The following ERC2 variants were observed in gnomAD, a reference collection of about 807,000 sequenced individuals.
ERC2 encodes the protein ERC protein 2.
ERC2 carries 42 observed loss-of-function variants against 114.8 expected under a neutral mutation model. The ratio of observed to expected loss-of-function variants is 0.37; its 90% confidence interval spans 0.29 to 0.47. The LOEUF is 0.47. Among genes scored for constraint, ERC2 ranks in the 20% least tolerant of loss-of-function variants. The pLI is 0.99. For synonymous variants in ERC2, 454 were observed against 425.5 expected (o/e 1.07, Z -0.82); for missense variants, 939 against 1,150.7 (o/e 0.82, Z 2.66).
intron 2 of ERC2, among the ~76,000 whole-genome samples, chr3:56,433,040 T>C (rs924472157): frequency 1.3e-5 from 2 of 151,940 alleles, no homozygotes; most frequent in Non-Finnish European, 2.9e-5. Context: ...CGGCAGGCTG[T>C]GGTGATATGT....
intron 6 of ERC2, among the ~76,000 whole-genome samples, chr3:56,131,555 G>C (rs112444425): frequency 3.9e-5 from 6 of 152,214 alleles, no homozygotes; most frequent in African/African-American, 1.4e-4. Flanking sequence ...TCTCAGAAAG[G>C]ACATTTAAAT....
intron 17 of ERC2, among the ~76,000 whole-genome samples, chr3:55,596,205 A>G (rs1017969578): frequency 2.0e-5 from 3 of 152,244 alleles, no homozygotes; most frequent in Non-Finnish European, 4.4e-5. Context: ...CAAAAGAACC[A>G]TAATAAGAGA....
At chr3:56,388,252 T>C (rs1361400453) in intron 2 of ERC2, among the ~76,000 whole-genome samples, 1 of 152,116 alleles carries the variant, frequency 6.6e-6, no homozygotes, top group African/African-American at 2.4e-5. Flanking sequence ...TGGGGACAGA[T>C]CCCTCATGAA....
intron 13 of ERC2, among the ~76,000 whole-genome samples, chr3:55,942,846 T>C (rs2066896520): frequency 6.6e-6 from 1 of 152,228 alleles, no homozygotes; most frequent in South Asian, 2.1e-4. Flanking sequence ...ATGTCATTGA[T>C]TGTCATTTCC....
chr3:55,950,642 G>A (rs565969578), intron 12 of ERC2, 82 bp from the exon 13 acceptor site: 7 of 1,468,444 alleles, frequency 4.8e-6, no homozygotes, highest in African/African-American at 4.2e-5. Context: ...GAAGTACTAA[G>A]TATAGGCTAT....
At position 56,049,260 on chromosome 3, in the gene ERC2, G is replaced by A. The variant is rs115907304; in HGVS notation, c.1642-30229C>T. ...CTAAGGACACAGTGAAAGCAGAAAC[G>A]GCTGATAGGAAGCCCCCACAGCCAA... is the stretch of plus-strand genomic sequence containing the variant. On this transcript the variant is annotated intron_variant, in intron 7 of 17. Coordinates refer to ENST00000288221, the MANE Select transcript of ERC2 (RefSeq NM_015576.3). Among the ~76,000 whole-genome samples the A allele has an allele frequency of 1.4e-3, 211 of 152,302 alleles. 1 individual carries two copies. The highest frequency in any genetic ancestry group is 4.1e-3 in the African/African-American group (171 of 41,568).
At chr3:55,671,029 C>T (rs1576047617) in intron 17 of ERC2, among the ~76,000 whole-genome samples, 1 of 152,208 alleles carries the variant, frequency 6.6e-6, no homozygotes, top group East Asian at 1.9e-4. Context: ...CTTTGCACTG[C>T]TGTTCACACA....
intron 11 of ERC2, among the ~76,000 whole-genome samples, chr3:55,990,625 A>G (rs1234571567): frequency 6.6e-6 from 1 of 152,168 alleles, no homozygotes; most frequent in African/African-American, 2.4e-5. Flanking sequence ...TGTGTTGACC[A>G]GGCTGGCCTC....
intron 3 of ERC2, among the ~76,000 whole-genome samples, chr3:56,217,708 T>C (rs1375447065): frequency 6.6e-6 from 1 of 152,174 alleles, no homozygotes; most frequent in Non-Finnish European, 1.5e-5. Context: ...AGAACAAAGC[T>C]GGAGGCATCA....
intron 14 of ERC2, among the ~76,000 whole-genome samples, chr3:55,820,072 C>T (rs1399935927): frequency 2.0e-5 from 3 of 152,136 alleles, no homozygotes; most frequent in African/African-American, 7.2e-5. Flanking sequence ...TTGCAGACTG[C>T]TGTCTGGAGA....
chr3:55,814,452 C>T (rs2059834587), intron 14 of ERC2, among the ~76,000 whole-genome samples: 1 of 152,198 alleles, frequency 6.6e-6, no homozygotes, highest in Non-Finnish European at 1.5e-5. Flanking sequence ...TTTTGCTCTG[C>T]TGTACTGCAT....
chr3:55,796,685 G>A (rs536026077), intron 14 of ERC2, among the ~76,000 whole-genome samples: 8 of 152,212 alleles, frequency 5.3e-5, no homozygotes, highest in African/African-American at 1.9e-4. Flanking sequence ...TCGGCCTCCC[G>A]AAGTGCTGGG....
At chr3:55,595,736 A>G (rs1439630603) in intron 17 of ERC2, among the ~76,000 whole-genome samples, 1 of 152,244 alleles carries the variant, frequency 6.6e-6, no homozygotes, top group East Asian at 1.9e-4. Context: ...CAAGGGCTCA[A>G]ATGCAGACAA....
At chr3:55,566,841 G>A (rs749506152) in intron 17 of ERC2, among the ~76,000 whole-genome samples, 3 of 152,102 alleles carry the variant, frequency 2.0e-5, no homozygotes, top group African/African-American at 7.2e-5. Context: ...TAGGATTACA[G>A]GTGTATGTCA....
chr3:56,236,739 A>C (rs1161949535), intron 3 of ERC2, among the ~76,000 whole-genome samples: 1 of 152,172 alleles, frequency 6.6e-6, no homozygotes, highest in African/African-American at 2.4e-5. Context: ...CCATAGAACT[A>C]ACATCTACTA....
At chr3:56,375,783 A>G (rs531970299) in intron 2 of ERC2, among the ~76,000 whole-genome samples, 2 of 152,170 alleles carry the variant, frequency 1.3e-5, no homozygotes, top group Non-Finnish European at 2.9e-5. Flanking sequence ...AGCAACTTGC[A>G]TCCATTGAAC....
chr3:55,552,296 G>A (rs1046240980), intron 17 of ERC2, among the ~76,000 whole-genome samples: 1 of 152,158 alleles, frequency 6.6e-6, no homozygotes, highest in Non-Finnish European at 1.5e-5. Context: ...AAAAAGACTT[G>A]CACGTTCCAC....
chr3:56,097,556 T>C (rs2078130990), intron 6 of ERC2, among the ~76,000 whole-genome samples: 1 of 152,174 alleles, frequency 6.6e-6, no homozygotes, highest in Non-Finnish European at 1.5e-5. Flanking sequence ...TATTCTATTG[T>C]ATTACTCTTG....
intron 10 of ERC2, among the ~76,000 whole-genome samples, chr3:56,001,439 A>G (rs889736246): frequency 1.3e-5 from 2 of 152,144 alleles, no homozygotes; most frequent in Non-Finnish European, 2.9e-5. Flanking sequence ...GGACACCAAG[A>G]CAGGGGGAGT....
Sources: gnomAD v4.1 joint callset for allele counts (sites outside exome capture counted in the v4.1 genomes callset) on GRCh38, gnomAD v4.1.1 for gene constraint, MANE v1.5 for transcripts, NCBI Gene and HGNC (gene_info 2026-07-23, HGNC 2026-07-21) for gene names.